Variants in DGKI observed in about 807,000 individuals in gnomAD.
DGKI encodes diacylglycerol kinase iota.
In DGKI, 55 loss-of-function variants were observed where a neutral mutation model predicts 147.5. That is an observed-to-expected ratio of 0.37 (90% CI 0.30 to 0.47). DGKI has a LOEUF of 0.47. DGKI is among the 20% of genes least tolerant of loss of function. DGKI has a pLI of 1.00. For synonymous variants in DGKI, 469 were observed against 477.1 expected, an observed-to-expected ratio of 0.98 and a Z score of 0.22; for missense variants, 1,007 against 1,323.8, an observed-to-expected ratio of 0.76 and a Z score of 3.71.
intron 19 of DGKI, among the ~76,000 whole-genome samples, chr7:137,557,585 A>G (rs182939951): frequency 2.0e-4 from 31 of 152,314 alleles, no homozygotes; most frequent in African/African-American, 7.0e-4. Flanking sequence ...TACAAATATA[A>G]ATATTAGTGG....
intron 20 of DGKI, among the ~76,000 whole-genome samples, chr7:137,537,466 A>G (rs1817557592): frequency 6.6e-6 from 1 of 152,196 alleles, no homozygotes; most frequent in Non-Finnish European, 1.5e-5. Flanking sequence ...AGAAATAAAA[A>G]AAAATTATCG....
At chr7:137,483,134 T>A (rs1179568996) in intron 23 of DGKI, among the ~76,000 whole-genome samples, 3 of 152,104 alleles carry the variant, frequency 2.0e-5, no homozygotes, top group South Asian at 2.1e-4. Flanking sequence ...TATTGTAGTA[T>A]CTTATCCATC....
At chr7:137,485,761 T>C (rs1459231984) in intron 22 of DGKI, among the ~76,000 whole-genome samples, 1 of 152,118 alleles carries the variant, frequency 6.6e-6, no homozygotes, top group Non-Finnish European at 1.5e-5. Context: ...TTAATGTGCA[T>C]ATAAACTTTT....
rs375986579 is a variant in DGKI, at chr7:137,665,090, G to C, written c.607-8550C>G. Among the ~76,000 whole-genome samples, 19 of 152,344 alleles carry C rather than the reference G, an allele frequency of 1.2e-4. No homozygotes were observed. In the South Asian group the frequency reaches 3.7e-3, roughly 30 times the overall value. The stretch of plus-strand genomic sequence containing the variant: ...GGCTGGGGGCCAGTGTTGGGGAGTA[G>C]AGATGAGGTCAGATGATAACAGCAG... On this transcript the variant is annotated intron_variant, in intron 3 of 32. Coordinates refer to ENST00000614521, the MANE Select transcript of DGKI (RefSeq NM_001321708.2).
chr7:137,456,791 T>A (rs1276702565), intron 27 of DGKI, among the ~76,000 whole-genome samples: 2 of 152,202 alleles, frequency 1.3e-5, no homozygotes, highest in South Asian at 2.1e-4. Flanking sequence ...AAAGTAAGTT[T>A]GTTTGTTTTT....
chr7:137,790,835 T>C (rs958719393), intron 1 of DGKI, among the ~76,000 whole-genome samples: 2 of 152,244 alleles, frequency 1.3e-5, no homozygotes, highest in African/African-American at 4.8e-5. Context: ...ATAACCTCTA[T>C]AAAGCACTTC....
chr7:137,416,326 G>A (rs1812358736), intron 28 of DGKI, among the ~76,000 whole-genome samples: 1 of 152,182 alleles, frequency 6.6e-6, no homozygotes, highest in East Asian at 1.9e-4. Flanking sequence ...GCTTCCTGAA[G>A]CAGGTGAAGT....
At chr7:137,601,302 G>C (rs2128989975) in intron 10 of DGKI, among the ~76,000 whole-genome samples, 1 of 152,046 alleles carries the variant, frequency 6.6e-6, no homozygotes, top group East Asian at 1.9e-4. Flanking sequence ...ATGCAAGAAG[G>C]ATCTTTTTAT....
At chr7:137,495,461 G>A (rs548175950) in intron 21 of DGKI, among the ~76,000 whole-genome samples, 6 of 139,940 alleles carry the variant, frequency 4.3e-5, no homozygotes, top group Non-Finnish European at 7.6e-5. Context: ...TAACTCACTC[G>A]GTGAGGCCAG....
intron 21 of DGKI, among the ~76,000 whole-genome samples, chr7:137,521,288 G>A (rs559356450): frequency 4.9e-4 from 74 of 152,118 alleles, no homozygotes; most frequent in African/African-American, 1.7e-3. Context: ...ATTCAAAGAA[G>A]CATACAGAAA....
intron 21 of DGKI, chr7:137,493,814 G>A: frequency 5.7e-6 from 4 of 701,844 alleles, no homozygotes; most frequent in Non-Finnish European, 1.0e-5. Context: ...CCCCAGCAAT[G>A]GTTCTTAACC....
chr7:137,564,689 C>T (rs1237975593), intron 19 of DGKI, among the ~76,000 whole-genome samples: 1 of 152,158 alleles, frequency 6.6e-6, no homozygotes, highest in Non-Finnish European at 1.5e-5. Flanking sequence ...TATATAATTC[C>T]TTTACTTCCT....
At chr7:137,761,821 T>C (rs1467046019) in intron 1 of DGKI, among the ~76,000 whole-genome samples, 1 of 152,144 alleles carries the variant, frequency 6.6e-6, no homozygotes, top group Admixed American at 6.5e-5. Flanking sequence ...GACCCATACA[T>C]CTGCCTACTG....
intron 1 of DGKI, among the ~76,000 whole-genome samples, chr7:137,820,600 C>A (rs1436987451): frequency 1.3e-5 from 2 of 152,106 alleles, no homozygotes; most frequent in African/African-American, 4.8e-5. Context: ...CTACAGTAAC[C>A]CCTCTTCCAC....
chr7:137,699,893 C>T lies in DGKI; in HGVS notation c.402-9891G>A, dbSNP rs186844710. Among the ~76,000 whole-genome samples the T allele has an allele frequency of 5.3e-5, 8 of 152,312 alleles. No individual in the cohort carries two copies. In the East Asian group the frequency reaches 1.3e-3, roughly 26 times the overall value. Reference sequence around the variant, plus strand: ...ACACAAGGCTGTCAACTGAAGGCAACTGTCCCTCATAAGGCTATCTGTGTT... The same window carrying T: ...ACACAAGGCTGTCAACTGAAGGCAATTGTCCCTCATAAGGCTATCTGTGTT... On this transcript the variant is annotated intron_variant, in intron 1 of 32. Transcript: ENST00000614521.
chr7:137,821,257 T>C (rs1797888115), intron 1 of DGKI, among the ~76,000 whole-genome samples: 3 of 151,808 alleles, frequency 2.0e-5, no homozygotes, highest in South Asian at 4.2e-4. Context: ...TTGAAAGGAG[T>C]TGATGGCTGC....
chr7:137,843,607 C>T, intron 1 of DGKI: 1 of 182,364 alleles, frequency 5.5e-6, no homozygotes, highest in Non-Finnish European at 1.0e-5. Flanking sequence ...AATAATCTGC[C>T]TCCAGAAATG....
chr7:137,419,191 T>A (rs897897690), intron 28 of DGKI, among the ~76,000 whole-genome samples: 2 of 152,220 alleles, frequency 1.3e-5, no homozygotes, highest in East Asian at 3.8e-4. Context: ...CCGGAAAAAG[T>A]TTCATGAATG....
At chr7:137,476,613 A>C (rs2128931640) in intron 23 of DGKI, among the ~76,000 whole-genome samples, 1 of 152,356 alleles carries the variant, frequency 6.6e-6, no homozygotes, top group East Asian at 1.9e-4. Flanking sequence ...AGTCTCAATA[A>C]TAGCTTAATT....
Sources: gnomAD v4.1 joint callset for allele counts (sites outside exome capture counted in the v4.1 genomes callset) on GRCh38, gnomAD v4.1.1 for gene constraint, MANE v1.5 for transcripts, NCBI Gene and HGNC (gene_info 2026-07-23, HGNC 2026-07-21) for gene names.